RBFOX1: variants seen among roughly 807,000 people sequenced by gnomAD.
RBFOX1 encodes RNA binding fox-1 homolog 1, also known as RNA binding protein fox-1 homolog 1.
In RBFOX1, 8 loss-of-function variants were observed where a neutral mutation model predicts 57.7. That is an observed-to-expected ratio of 0.14 (90% CI 0.08 to 0.25). The LOEUF is 0.25. Ranked by LOEUF, RBFOX1 falls within the 10% of genes least tolerant of loss-of-function variation. RBFOX1 has a pLI of 1.00. For synonymous variants in RBFOX1, 326 were observed against 222.4 expected (o/e 1.47, Z -4.15); for missense variants, 611 against 548.5 (o/e 1.11, Z -1.14).
At chr16:6,229,373 C>T (rs2097441339) in intron 1 of RBFOX1, among the ~76,000 whole-genome samples, 2 of 152,220 alleles carry the variant, frequency 1.3e-5, no homozygotes, top group African/African-American at 4.8e-5. Flanking sequence ...CCACTAGGCT[C>T]ACAAGGACTC....
At chr16:5,713,903 GT>G (rs2051587383) in intron 3 of RBFOX1, among the ~76,000 whole-genome samples, 1 of 152,168 alleles carries the variant, frequency 6.6e-6, no homozygotes, top group Non-Finnish European at 1.5e-5. Context: ...GATCATCTAC[GT>G]TGCAATCTTC....
intron 15 of RBFOX1, chr16:7,709,538 G>A (rs1380111498): frequency 2.0e-6 from 3 of 1,533,054 alleles, no homozygotes; most frequent in Non-Finnish European, 2.6e-6. Context: ...GAGCTAAGCT[G>A]CACACTTCCA....
chr16:7,132,052 C>T (rs537264627), intron 4 of RBFOX1, among the ~76,000 whole-genome samples: 4 of 143,128 alleles, frequency 2.8e-5, no homozygotes, highest in African/African-American at 1.1e-4. Flanking sequence ...AGCGAAGTGG[C>T]ACAATATCAG....
At chr16:7,553,116 A>G (rs2087111890) in intron 5 of RBFOX1, among the ~76,000 whole-genome samples, 1 of 151,926 alleles carries the variant, frequency 6.6e-6, no homozygotes, top group Non-Finnish European at 1.5e-5. Flanking sequence ...CTTTTTAAAA[A>G]ATTTTCCAGT....
intron 3 of RBFOX1, among the ~76,000 whole-genome samples, chr16:6,890,931 G>T (rs1404114198): frequency 6.6e-6 from 1 of 152,194 alleles, no homozygotes; most frequent in Non-Finnish European, 1.5e-5. Flanking sequence ...ACAGACTCTT[G>T]CTTGCTTGTG....
At chr16:6,591,605 G>T (rs990335252) in intron 2 of RBFOX1, among the ~76,000 whole-genome samples, 1 of 152,204 alleles carries the variant, frequency 6.6e-6, no homozygotes, top group Non-Finnish European at 1.5e-5. Flanking sequence ...ATTTTTGTCA[G>T]ATGATAGAAA....
intron 4 of RBFOX1, among the ~76,000 whole-genome samples, chr16:7,240,701 T>G (rs1320508973): frequency 6.6e-6 from 1 of 151,966 alleles, no homozygotes; most frequent in Non-Finnish European, 1.5e-5. Context: ...ACTAGAGGCA[T>G]TCACCACCAC....
chr16:7,238,336 AAT>A lies in RBFOX1; in HGVS notation c.27+186240_27+186241del, dbSNP rs1409879154. ...TGCAGACTTAAAATGGTAAAAAAAA[AAT>A]AAATAAATAAAATAAAAATTAAAAG... On this transcript the variant is annotated intron_variant, in intron 4 of 15. Coordinates refer to ENST00000550418, the MANE Select transcript of RBFOX1 (RefSeq NM_018723.4). Among the ~76,000 whole-genome samples the A allele has an allele frequency of 2.0e-3, 265 of 134,338 alleles. 1 individual carries two copies. The highest frequency in any genetic ancestry group is 9.2e-3 in the African/African-American group (255 of 27,728). The allele number at this position is 134,338 out of a possible 152,430, so 88.1% of individuals were successfully genotyped here.
intron 1 of RBFOX1, among the ~76,000 whole-genome samples, chr16:6,303,279 G>A (rs1157491087): frequency 1.3e-5 from 2 of 151,844 alleles, no homozygotes; most frequent in Non-Finnish European, 2.9e-5. Context: ...CATCTTCCCG[G>A]GTCTGAATTA....
chr16:7,305,745 G>C (rs2096166460), intron 4 of RBFOX1, among the ~76,000 whole-genome samples: 1 of 152,172 alleles, frequency 6.6e-6, no homozygotes, highest in Admixed American at 6.5e-5. Flanking sequence ...TGTATTTTCT[G>C]TTGCATGTCT....
chr16:5,351,912 T>C (rs559224783), intron 1 of RBFOX1, among the ~76,000 whole-genome samples: 1 of 152,304 alleles, frequency 6.6e-6, no homozygotes, highest in East Asian at 1.9e-4. Flanking sequence ...CAAGCGATTT[T>C]CCTGTCTCAA....
chr16:7,129,448 G>T lies in RBFOX1; in HGVS notation c.27+77350G>T, dbSNP rs528280424. 3.9e-5 allele frequency among the ~76,000 whole-genome samples: 6 copies of T among 152,232 alleles called. No individual in the cohort carries two copies. In the South Asian group the frequency reaches 1.2e-3, roughly 32 times the overall value. ...AAGAAGTAATGGATAGAGATCAGGT[G>T]ACAAAATAATATCCCCCACTGATAG... On this transcript the variant is annotated intron_variant, in intron 4 of 15. Coordinates refer to ENST00000550418, the MANE Select transcript of RBFOX1 (RefSeq NM_018723.4).
Position 5,299,533 on chromosome 16 carries a change from C to G in RBFOX1, c.219+59428C>G, listed in dbSNP as rs76683274. On this transcript the variant is annotated intron_variant, in intron 1 of 2. Coordinates refer to the RBFOX1 transcript ENST00000585867. ...TAAACAGTTTTCCAAAGTGGTTTCACCATTCTGACAAGCCACGTATGAAAG... is the reference window on the plus strand; with the variant it reads ...TAAACAGTTTTCCAAAGTGGTTTCAGCATTCTGACAAGCCACGTATGAAAG... Among the ~76,000 whole-genome samples the G allele has an allele frequency of 2.2e-3, 331 of 152,292 alleles. 2 individuals are homozygous for G. The highest frequency in any genetic ancestry group is 7.5e-3 in the African/African-American group (311 of 41,558).
At chr16:6,162,592 A>G (rs949115371) in intron 1 of RBFOX1, among the ~76,000 whole-genome samples, 2 of 152,186 alleles carry the variant, frequency 1.3e-5, no homozygotes, top group Non-Finnish European at 2.9e-5. Flanking sequence ...CCTTCACCCA[A>G]CAACAGTGGT....
intron 14 of RBFOX1, among the ~76,000 whole-genome samples, chr16:7,697,063 C>G (rs1362861528): frequency 6.6e-6 from 1 of 152,058 alleles, no homozygotes; most frequent in Non-Finnish European, 1.5e-5. Flanking sequence ...GATGCAGAGG[C>G]ATTGGAGGGA....
rs1005442059 is a variant in RBFOX1, at chr16:7,083,114, T to C, written c.27+31016T>C. ...ATTTCAAGGAACAAGGTTTGAGGAA[T>C]TGATTGAATCATCAATTTGGTTATG... On this transcript the variant is annotated intron_variant, in intron 4 of 15. Transcript: ENST00000550418. 4.6e-5 allele frequency among the ~76,000 whole-genome samples: 7 copies of C among 152,200 alleles called. No homozygotes were observed. The South Asian group carries it at 1.0e-3, about 23-fold the overall frequency.
At chr16:7,593,124 C>T (rs941782404) in intron 7 of RBFOX1, among the ~76,000 whole-genome samples, 2 of 152,070 alleles carry the variant, frequency 1.3e-5, no homozygotes, top group African/African-American at 4.8e-5. Flanking sequence ...CCAAAACCTT[C>T]TTTTGATGGT....
At chr16:6,181,699 T>G (rs2097064425) in intron 1 of RBFOX1, among the ~76,000 whole-genome samples, 1 of 152,178 alleles carries the variant, frequency 6.6e-6, no homozygotes, top group South Asian at 2.1e-4. Flanking sequence ...TTCCTCAAAC[T>G]TTACCCACAG....
At chr16:5,861,601 C>T (rs934556429) in intron 3 of RBFOX1, among the ~76,000 whole-genome samples, 3 of 152,204 alleles carry the variant, frequency 2.0e-5, no homozygotes, top group African/African-American at 7.2e-5. Flanking sequence ...GCAACTGTAG[C>T]TTAGATATCC....
Sources: gnomAD v4.1 joint callset for allele counts (sites outside exome capture counted in the v4.1 genomes callset) on GRCh38, gnomAD v4.1.1 for gene constraint, MANE v1.5 for transcripts, NCBI Gene and HGNC (gene_info 2026-07-23, HGNC 2026-07-21) for gene names.